Variants in QTGAL observed in about 807,000 individuals in gnomAD.
The protein encoded by QTGAL is queuosine-tRNA galactosyltransferase.
chr17:83,012,706 C>T, the QTGAL span, among the ~76,000 whole-genome samples: 1 of 152,144 alleles, frequency 6.6e-6, no homozygotes, highest in African/African-American at 2.4e-5. Context: ...CTGCAAAAGG[C>T]CCTCCTGGAA....
chr17:83,034,904 G>A, the QTGAL span: 1 of 737,560 alleles, frequency 1.4e-6, no homozygotes, highest in Non-Finnish European at 2.2e-6. Context: ...CATGAAAACG[G>A]ACTAACACAT....
chr17:83,005,137 G>A, the QTGAL span: 27 of 1,608,910 alleles, frequency 1.7e-5, no homozygotes, highest in African/African-American at 6.7e-5. The surrounding 1 kb of genome is among the most constrained non-coding windows in gnomAD (Gnocchi z 5.6). Flanking sequence ...CTGCTCCGGC[G>A]TCAGCTGGTT....
chr17:82,999,337 T>G, the QTGAL span, among the ~76,000 whole-genome samples: 1 of 152,188 alleles, frequency 6.6e-6, no homozygotes, highest in Non-Finnish European at 1.5e-5. Flanking sequence ...TACACAAATG[T>G]GCAAGGAACT....
the QTGAL span, among the ~76,000 whole-genome samples, chr17:82,955,653 A>C: frequency 6.6e-6 from 1 of 152,204 alleles, no homozygotes; most frequent in Non-Finnish European, 1.5e-5. Flanking sequence ...ATTGGTATAT[A>C]CCCAAAAGGA....
the QTGAL span, among the ~76,000 whole-genome samples, chr17:82,957,932 C>T: frequency 1.3e-5 from 2 of 152,298 alleles, no homozygotes; most frequent in South Asian, 4.1e-4. Context: ...TTCCACTCCC[C>T]TGGGAACCTG....
the QTGAL span, among the ~76,000 whole-genome samples, chr17:82,984,360 C>T: frequency 0.54 from 29,414 of 54,212 alleles, 8,268 homozygotes; most frequent in East Asian, 0.7. Context: ...CACAGAAGGA[C>T]GCAGGGAGAG....
the QTGAL span, chr17:82,965,605 G>T: frequency 1.3e-6 from 2 of 1,511,482 alleles, no homozygotes; most frequent in African/African-American, 1.4e-5. Flanking sequence ...CAGAGACAGG[G>T]CCCCGAACCT....
the QTGAL span, among the ~76,000 whole-genome samples, chr17:82,967,604 G>A: frequency 1.3e-5 from 2 of 152,032 alleles, no homozygotes. Flanking sequence ...AATAAAATTC[G>A]AACTGCAATG....
the QTGAL span, among the ~76,000 whole-genome samples, chr17:82,964,028 C>CGGGGG: frequency 1.6e-3 from 224 of 139,518 alleles, 1 homozygote; most frequent in African/African-American, 3.3e-3. Context: ...AGGCTGAGGT[C>CGGGGG]GGGGGGGTGG....
At chr17:82,945,496 AG>A in the QTGAL span, 503 of 152,376 alleles carry the variant, frequency 3.3e-3, 6 homozygotes, top group African/African-American at 0.012. Flanking sequence ...AGCAGTGAGT[AG>A]ACCAAGGTCT....
chr17:83,002,473 C>G, the QTGAL span, among the ~76,000 whole-genome samples: 1 of 152,352 alleles, frequency 6.6e-6, no homozygotes, highest in East Asian at 1.9e-4. Flanking sequence ...AGCACAGCAA[C>G]TCACTCACAG....
chr17:82,984,315 TGGGGGAGA>T, the QTGAL span, among the ~76,000 whole-genome samples: 1 of 51,630 alleles, frequency 1.9e-5, no homozygotes, highest in Non-Finnish European at 3.7e-5. Context: ...TGTGAGGATG[TGGGGGAGA>T]GGCCACGTGA....
At chr17:83,027,880 G>C in the QTGAL span, among the ~76,000 whole-genome samples, 1 of 151,990 alleles carries the variant, frequency 6.6e-6, no homozygotes, top group Non-Finnish European at 1.5e-5. Flanking sequence ...CTGGGAGGTC[G>C]AGGCGAGCAG....
chr17:83,041,607 T>C, the QTGAL span, among the ~76,000 whole-genome samples: 6 of 152,228 alleles, frequency 3.9e-5, no homozygotes, highest in Non-Finnish European at 8.8e-5. Context: ...GCTCCTCAAC[T>C]GAGGGTGAGC....
At chr17:82,943,099 T>G in the QTGAL span, 1 of 153,036 alleles carries the variant, frequency 6.5e-6, no homozygotes, top group Non-Finnish European at 1.5e-5. Flanking sequence ...GACCAGCAGC[T>G]TCACAAATGT....
the QTGAL span, among the ~76,000 whole-genome samples, chr17:83,011,079 G>C: frequency 1.3e-5 from 2 of 152,238 alleles, no homozygotes; most frequent in Non-Finnish European, 2.9e-5. Context: ...GTCTGGGGTG[G>C]TCTAGAGGTG....
the QTGAL span, among the ~76,000 whole-genome samples, chr17:82,946,338 T>C: frequency 6.6e-6 from 1 of 152,250 alleles, no homozygotes; most frequent in Non-Finnish European, 1.5e-5. Context: ...AATAGTGTTA[T>C]TAGGAATAGA....
At chr17:82,973,468 A>G in the QTGAL span, among the ~76,000 whole-genome samples, 1 of 152,210 alleles carries the variant, frequency 6.6e-6, no homozygotes, top group Admixed American at 6.5e-5. Flanking sequence ...CCCGGGGAGC[A>G]GCGCTCCTGA....
chr17:82,944,781 T>C, the QTGAL span: 1 of 152,326 alleles, frequency 6.6e-6, no homozygotes, highest in East Asian at 1.9e-4. Flanking sequence ...TGAGGGTTTC[T>C]GCTGAGCCCT....
Sources: allele counts gnomAD v4.1 joint callset (sites outside exome capture counted in the v4.1 genomes callset), GRCh38; gene constraint gnomAD v4.1.1; non-coding constraint Gnocchi (gnomAD v3.1); transcripts MANE v1.5; gene names NCBI Gene and HGNC (gene_info 2026-07-23, HGNC 2026-07-21).